The following GCNT1 variants were observed in gnomAD, a reference collection of about 807,000 sequenced individuals.
The protein encoded by GCNT1 is glucosaminyl (N-acetyl) transferase 1, also known as beta-1,3-galactosyl-O-glycosyl-glycoprotein beta-1,6-N-acetylglucosaminyltransferase.
Under a neutral mutation model 26.2 loss-of-function variants are expected in GCNT1, and 16 were observed. That is an observed-to-expected ratio of 0.61 (90% confidence interval 0.41 to 0.93). The LOEUF (loss-of-function observed/expected upper bound fraction) is 0.93, where lower values mean the gene tolerates loss of function less well. Ranked by LOEUF, GCNT1 falls within the 40% of genes least tolerant of loss-of-function variation. The pLI, the probability that GCNT1 is intolerant of heterozygous loss-of-function variation, is 0.00. For missense variants in GCNT1, 477 were observed against 526.7 expected, an observed-to-expected ratio of 0.91 and a Z score of 0.92; for synonymous variants, 183 against 190.8, an observed-to-expected ratio of 0.96 and a Z score of 0.34.
At chr9:76,443,366 T>C (rs913194822) in intron 1 of GCNT1, among the ~76,000 whole-genome samples, 2 of 152,196 alleles carry the variant, frequency 1.3e-5, no homozygotes, top group Non-Finnish European at 2.9e-5. Flanking sequence ...AAGCCAGTCA[T>C]TAGCATTGTT....
At chr9:76,473,724 G>T (rs1824191274) in intron 2 of GCNT1, among the ~76,000 whole-genome samples, 1 of 152,198 alleles carries the variant, frequency 6.6e-6, no homozygotes. Flanking sequence ...ATGACTCCCA[G>T]GTCTCCTGCT....
chr9:76,410,557 G>A, the GCNT1 span, among the ~76,000 whole-genome samples: 1 of 152,122 alleles, frequency 6.6e-6, no homozygotes, highest in Non-Finnish European at 1.5e-5. Flanking sequence ...TTCAAGACTA[G>A]CCTGGGCAAC....
intron 1 of GCNT1, among the ~76,000 whole-genome samples, chr9:76,442,868 T>TTTTTTTTTTTTTTTTTTTTTTGAGACGG (rs1341018800): frequency 1.3e-5 from 2 of 151,746 alleles, no homozygotes; most frequent in African/African-American, 2.4e-5. Context: ...CAAGCACTTT[T>TTTTTTTTTTTTTTTTTTTTTTGAGACGG]ATAGATGTTG....
chr9:76,405,785 TCTC>T, the GCNT1 span, among the ~76,000 whole-genome samples: 1 of 152,222 alleles, frequency 6.6e-6, no homozygotes, highest in African/African-American at 2.4e-5. Context: ...ATTTTCCTAT[TCTC>T]CTATTGAAGG....
In GCNT1 at chr9:76,503,558, C is replaced by T. The variant is rs1407463600; in HGVS notation, c.1177C>T (p.Arg393Cys). ...FGAGDLNWML[R>C]KHHLFANKFD... ...AGCTGGTGACTTGAACTGGATGCTG[C>T]GCAAACACCACTTGTTTGCCAATAA... The change falls in exon 4 of 4, where the codon CGC becomes TGC. Residue 393 changes from arginine to cysteine, a missense_variant. Coordinates refer to ENST00000376730, the MANE Select transcript of GCNT1 (RefSeq NM_001490.5). 5 of 1,613,950 alleles carry T rather than the reference C, an allele frequency of 3.1e-6. No individual in the cohort carries two copies. Among genetic ancestry groups the T allele is most frequent in the Admixed American group, 1.7e-5 (1 of 59,998 alleles).
intron 1 of GCNT1, among the ~76,000 whole-genome samples, chr9:76,448,179 C>T (rs921031921): frequency 2.0e-5 from 3 of 152,292 alleles, no homozygotes; most frequent in African/African-American, 7.2e-5. Flanking sequence ...CAGCCAGGCG[C>T]GGTGGCTCGC....
chr9:76,492,032 C>T lies in GCNT1; in HGVS notation c.-289-8884C>T, dbSNP rs141409380. On this transcript the variant is annotated intron_variant, in intron 2 of 3. Coordinates refer to ENST00000376730, the MANE Select transcript of GCNT1 (RefSeq NM_001490.5). ...TGTAAACAGTGAGGCCAGCCTTTTGCTACTGTATCAATTTCCTTACTTAGG... is the reference window on the plus strand; with the variant it reads ...TGTAAACAGTGAGGCCAGCCTTTTGTTACTGTATCAATTTCCTTACTTAGG... Among the ~76,000 whole-genome samples the T allele has an allele frequency of 4.8e-3, 729 of 152,314 alleles. 6 individuals carry two copies. Among genetic ancestry groups the T allele is most frequent in the African/African-American group, 0.017 (698 of 41,554 alleles).
chr9:76,466,928 A>G (rs28435584), intron 2 of GCNT1, among the ~76,000 whole-genome samples: 2,767 of 152,248 alleles, frequency 0.018, 75 homozygotes, highest in African/African-American at 0.062. Context: ...AATGATGATT[A>G]CCTTGAAGCT....
At chr9:76,476,425 T>C (rs886912519) in intron 2 of GCNT1, among the ~76,000 whole-genome samples, 3 of 151,674 alleles carry the variant, frequency 2.0e-5, no homozygotes, top group African/African-American at 7.3e-5. Flanking sequence ...ACTTTTAGAT[T>C]TGAAAAAAAA....
intron 2 of GCNT1, among the ~76,000 whole-genome samples, chr9:76,469,209 A>C (rs1421958700): frequency 6.6e-6 from 1 of 152,194 alleles, no homozygotes; most frequent in African/African-American, 2.4e-5. Context: ...ATTATGATAC[A>C]TGTAATTTAT....
Position 76,426,954 on chromosome 9 carries a change from C to T in GCNT1, n.38+7067C>T, listed in dbSNP as rs7875322. ...AAGAATAAATATTCATTGTTATGGG[C>T]TGAGTTGTGTCATCCCCAAATTCAT... On this transcript the variant is annotated intron_variant and non_coding_transcript_variant, in intron 1 of 3. Coordinates refer to the GCNT1 transcript ENST00000488136. Among the ~76,000 whole-genome samples the T allele has an allele frequency of 5.1e-3, 769 of 152,220 alleles. 6 individuals are homozygous for T. The highest frequency in any genetic ancestry group is 0.018 in the African/African-American group (734 of 41,526).
the GCNT1 span, among the ~76,000 whole-genome samples, chr9:76,413,668 G>GTTTTTTTTTT: frequency 1.5e-4 from 13 of 84,196 alleles, no homozygotes; most frequent in Non-Finnish European, 2.0e-4. Context: ...TTTTTTTTTT[G>GTTTTTTTTTT]TTTTTTTTTT....
At chr9:76,473,813 A>T (rs541831499) in intron 2 of GCNT1, among the ~76,000 whole-genome samples, 2 of 152,254 alleles carry the variant, frequency 1.3e-5, no homozygotes, top group South Asian at 4.1e-4. Flanking sequence ...CCAAGAGAAA[A>T]TATTCAGGAC....
At chr9:76,482,723 C>T (rs1824454593) in intron 2 of GCNT1, among the ~76,000 whole-genome samples, 1 of 151,832 alleles carries the variant, frequency 6.6e-6, no homozygotes, top group South Asian at 2.1e-4. Flanking sequence ...TGGCTCATTG[C>T]AGCCTCAATC....
upstream of GCNT1, among the ~76,000 whole-genome samples, chr9:76,416,090 T>C (rs1439732583): frequency 1.3e-5 from 2 of 152,066 alleles, no homozygotes; most frequent in Non-Finnish European, 2.9e-5. Flanking sequence ...ATGTTGCTTT[T>C]TCCAAAACTG....
chr9:76,429,855 C>G (rs1278357688), intron 1 of GCNT1, among the ~76,000 whole-genome samples: 14 of 151,872 alleles, frequency 9.2e-5, no homozygotes, highest in Admixed American at 7.9e-4. Flanking sequence ...GCTGGGACTA[C>G]ACGCACCCGC....
At chr9:76,496,942 A>G (rs1813225780) in intron 2 of GCNT1, among the ~76,000 whole-genome samples, 1 of 152,212 alleles carries the variant, frequency 6.6e-6, no homozygotes. Context: ...TCTTCAGGAC[A>G]TGCCCCAGGT....
chr9:76,405,851 A>G, the GCNT1 span, among the ~76,000 whole-genome samples: 1 of 152,242 alleles, frequency 6.6e-6, no homozygotes, highest in African/African-American at 2.4e-5. Context: ...TGCTCTAAAC[A>G]TCAATCTGCA....
At chr9:76,401,845 T>C in the GCNT1 span, among the ~76,000 whole-genome samples, 1 of 152,096 alleles carries the variant, frequency 6.6e-6, no homozygotes, top group Non-Finnish European at 1.5e-5. Context: ...CAGTGAGCCA[T>C]GATCATGCCA....
Sources: gnomAD v4.1 joint callset for allele counts (sites outside exome capture counted in the v4.1 genomes callset) on GRCh38, gnomAD v4.1.1 for gene constraint, MANE v1.5 for transcripts, NCBI Gene and HGNC (gene_info 2026-07-23, HGNC 2026-07-21) for gene names.